TUSC3: variants seen among roughly 807,000 people sequenced by gnomAD.
The protein encoded by TUSC3 is tumor suppressor candidate 3.
A neutral mutation model predicts 44.8 loss-of-function variants in TUSC3; 45 were observed. The ratio of observed to expected loss-of-function variants is 1.00; its 90% CI spans 0.79 to 1.29. The LOEUF is 1.29. Ranked by LOEUF, TUSC3 falls within the 50% of genes most tolerant of loss-of-function variation. The pLI, the probability that TUSC3 is intolerant of heterozygous loss-of-function variation, is 0.00. For missense variants in TUSC3, 519 were observed against 437.9 expected (o/e 1.19, Z -1.65); for synonymous variants, 212 against 152.9 (o/e 1.39, Z -2.85).
rs528981361 is a variant in TUSC3, at chr8:15,483,185, T to A, written n.92-201T>A. 9.8e-5 allele frequency among the ~76,000 whole-genome samples: 15 copies of A among 152,316 alleles called. No individual in the cohort carries two copies. In the East Asian group the frequency reaches 2.9e-3, roughly 29 times the overall value. On this transcript the variant is annotated intron_variant and non_coding_transcript_variant, in intron 1 of 5. Transcript: ENST00000503191. ...GTTAAATTCTATTAAATTTTTTATA[T>A]TTTGCAAAAGAAAAAGAAATGGGAG...
chr8:15,799,619 G>A, the TUSC3 span, among the ~76,000 whole-genome samples: 1 of 152,148 alleles, frequency 6.6e-6, no homozygotes, highest in Non-Finnish European at 1.5e-5. Flanking sequence ...ATACAATTTG[G>A]TCAACATATT....
intron 2 of TUSC3, among the ~76,000 whole-genome samples, chr8:15,629,993 C>T (rs1163508296): frequency 1.4e-5 from 2 of 144,288 alleles, no homozygotes; most frequent in East Asian, 2.1e-4. Flanking sequence ...ATTCTCACCT[C>T]CCTTAAGTGT....
rs140382337 is a variant in TUSC3, at chr8:15,488,523, C to T, written n.189+5040C>T. On this transcript the variant is annotated intron_variant and non_coding_transcript_variant, in intron 2 of 5. Transcript: ENST00000503191. ...TCTCAAAAATAAACTGTTTTTTTGT[C>T]ATCTTGGTAATAAAATAGACAATGT... Among the ~76,000 whole-genome samples, 56 of 151,904 alleles carry T rather than the reference C, an allele frequency of 3.7e-4. 1 individual carries two copies. The East Asian group carries it at 0.01, about 27-fold the overall frequency.
intron 1 of TUSC3, among the ~76,000 whole-genome samples, chr8:15,453,859 A>G (rs543102133): frequency 6.6e-6 from 1 of 152,322 alleles, no homozygotes; most frequent in South Asian, 2.1e-4. Context: ...AACCAGCACC[A>G]GGGAAAGGCA....
rs1585136712 is a variant in TUSC3 at position 15,595,698 on chromosome 8, G to T, written c.139-27382G>T. Among the ~76,000 whole-genome samples, 3 of 152,172 alleles carry T rather than the reference G, an allele frequency of 2.0e-5. No individual in the cohort carries two copies. In the South Asian group the frequency reaches 6.2e-4, roughly 32 times the overall value. ...ATCCAGAGATTGATAAGAGAAATGG[G>T]AGGAAGTCATTTTTAAGCCTAGTGT... On this transcript the variant is annotated intron_variant, in intron 1 of 10. Transcript: ENST00000503731.
At chr8:15,565,069 T>C (rs1217450757) in intron 1 of TUSC3, among the ~76,000 whole-genome samples, 1 of 152,068 alleles carries the variant, frequency 6.6e-6, no homozygotes, top group African/African-American at 2.4e-5. Context: ...CAATCGATTA[T>C]CTTACAGTTC....
intron 2 of TUSC3, among the ~76,000 whole-genome samples, chr8:15,523,639 C>CATATATAT (rs151223991): frequency 0.011 from 694 of 63,214 alleles, 14 homozygotes; most frequent in African/African-American, 0.018. Flanking sequence ...CCTTTAAAAA[C>CATATATAT]ATATATATAT....
At chr8:15,746,777 G>A (rs1190396226) in intron 8 of TUSC3, among the ~76,000 whole-genome samples, 4 of 152,034 alleles carry the variant, frequency 2.6e-5, no homozygotes, top group South Asian at 2.1e-4. Context: ...AAAGAAAGAC[G>A]TGTTAGATAA....
intron 1 of TUSC3, among the ~76,000 whole-genome samples, chr8:15,601,686 A>G (rs942990099): frequency 4.0e-5 from 6 of 151,656 alleles, no homozygotes; most frequent in Non-Finnish European, 7.4e-5. Flanking sequence ...ATTAGGTTCA[A>G]GGCAAATCTT....
At chr8:15,506,907 C>G (rs966809078) in intron 2 of TUSC3, among the ~76,000 whole-genome samples, 1 of 152,160 alleles carries the variant, frequency 6.6e-6, no homozygotes, top group African/African-American at 2.4e-5. Flanking sequence ...ACAGGCCTTG[C>G]TGCATTTCCT....
rs561339178 is a variant in TUSC3 at position 15,625,148 on chromosome 8, A to T, written c.308+1899A>T. Among the ~76,000 whole-genome samples the T allele has an allele frequency of 2.0e-5, 3 of 152,214 alleles. No homozygotes were observed. In the South Asian group the frequency reaches 6.2e-4, roughly 32 times the overall value. ...CCTATGGATATAATCAGTTACATTGATTGATTTTCAAATGTTGAACTGGTC... is the reference window on the plus strand; with the variant it reads ...CCTATGGATATAATCAGTTACATTGTTTGATTTTCAAATGTTGAACTGGTC... On this transcript the variant is annotated intron_variant, in intron 2 of 10. Transcript: ENST00000503731.
chr8:15,446,204 CGTT>C lies in TUSC3; in HGVS notation n.91+28901_91+28903del, dbSNP rs369987988. 5.7e-4 allele frequency among the ~76,000 whole-genome samples: 83 copies of C among 145,670 alleles called. No homozygotes were observed. In the South Asian group the frequency reaches 0.012, roughly 22 times the overall value. On this transcript the variant is annotated intron_variant and non_coding_transcript_variant, in intron 1 of 5. Transcript: ENST00000503191. ...GCAGAGGCGCTCCCCACATCTCAGA[CGTT>C]GGGTGGCCGGGCAGAGAGGCTCCTC...
intron 6 of TUSC3, among the ~76,000 whole-genome samples, chr8:15,698,851 A>ATT (rs572239797): frequency 0.19 from 28,281 of 145,120 alleles, 2,663 homozygotes; most frequent in Middle Eastern, 0.23. Context: ...TCTTTTTTTC[A>ATT]TTTTTTTTTT....
intron 1 of TUSC3, among the ~76,000 whole-genome samples, chr8:15,617,227 C>T (rs1805034389): frequency 6.7e-6 from 1 of 150,010 alleles, no homozygotes; most frequent in Non-Finnish European, 1.5e-5. Context: ...GCAAGCTCCG[C>T]CTCCCAGGTT....
rs766343036 is a variant in TUSC3 at position 15,675,436 on chromosome 8, C to CT, written c.798+1610dup. Among the ~76,000 whole-genome samples, 101 of 148,330 alleles carry CT rather than the reference C, an allele frequency of 6.8e-4. 1 individual carries two copies. Among genetic ancestry groups the CT allele is most frequent in the Non-Finnish European group, 1.3e-3 (87 of 66,860 alleles). ...TCTTTTTTTTTGGGAGGGTTTCAGA[C>CT]TTTTTTTTTTCTTTGGTTGTTAGAA... On this transcript the variant is annotated intron_variant, in intron 6 of 10. Coordinates refer to ENST00000503731, the MANE Select transcript of TUSC3 (RefSeq NM_006765.4).
At chr8:15,646,199 G>A (rs1806621815) in intron 2 of TUSC3, among the ~76,000 whole-genome samples, 1 of 152,128 alleles carries the variant, frequency 6.6e-6, no homozygotes, top group African/African-American at 2.4e-5. Flanking sequence ...GCAAGCTTCT[G>A]AAAGAAGGGA....
intron 1 of TUSC3, among the ~76,000 whole-genome samples, chr8:15,418,914 G>C (rs1266181419): frequency 6.6e-6 from 1 of 152,162 alleles, no homozygotes; most frequent in Non-Finnish European, 1.5e-5. Context: ...GCTGAGATAG[G>C]AGGATCACAT....
At chr8:15,667,333 A>G (rs1329982511) in intron 5 of TUSC3, among the ~76,000 whole-genome samples, 1 of 151,682 alleles carries the variant, frequency 6.6e-6, no homozygotes, top group Non-Finnish European at 1.5e-5. Context: ...AGAAATAATG[A>G]TAGTATTTCT....
chr8:15,829,241 A>C, the TUSC3 span, among the ~76,000 whole-genome samples: 1 of 152,210 alleles, frequency 6.6e-6, no homozygotes, highest in African/African-American at 2.4e-5. Flanking sequence ...TGTTGCAAAG[A>C]ATCAACTTCA....
Sources: allele counts gnomAD v4.1 joint callset (sites outside exome capture counted in the v4.1 genomes callset), GRCh38; gene constraint gnomAD v4.1.1; transcripts MANE v1.5; gene names NCBI Gene and HGNC (gene_info 2026-07-23, HGNC 2026-07-21).